The following STARD9 variants were observed in gnomAD, a reference collection of about 807,000 sequenced individuals.
STARD9 encodes the protein stAR-related lipid transfer protein 9.
STARD9 carries 346 observed loss-of-function variants against 399.8 expected under a neutral mutation model. The ratio of observed to expected loss-of-function variants is 0.87; its 90% confidence interval spans 0.79 to 0.95. The LOEUF is 0.95. Ranked by LOEUF, STARD9 falls within the 40% of genes least tolerant of loss-of-function variation. The pLI is 0.00. For missense variants in STARD9, 5,832 were observed against 5,667.5 expected (o/e 1.03, Z -0.93); for synonymous variants, 2,203 against 2,143.5 (o/e 1.03, Z -0.77).
chr15:42,654,798 CAT>C (rs775029858), intron 9 of STARD9, among the ~76,000 whole-genome samples: 9 of 152,036 alleles, frequency 5.9e-5, no homozygotes, highest in Admixed American at 6.5e-5. Flanking sequence ...CAAATGGAAA[CAT>C]ATCTCATGCT....
At chr15:42,584,579 G>A (rs1353562795) in intron 2 of STARD9, among the ~76,000 whole-genome samples, 1 of 152,142 alleles carries the variant, frequency 6.6e-6, no homozygotes, top group African/African-American at 2.4e-5. Context: ...GCTAGTGGCA[G>A]GGTTGTCTTT....
intron 3 of STARD9, among the ~76,000 whole-genome samples, chr15:42,597,470 C>T (rs984486940): frequency 3.3e-5 from 5 of 152,052 alleles, no homozygotes; most frequent in African/African-American, 9.7e-5. Flanking sequence ...TGTGTTCAAG[C>T]GATTCTCGTG....
intron 3 of STARD9, among the ~76,000 whole-genome samples, chr15:42,588,208 ATG>A (rs71947615): frequency 0.042 from 6,354 of 150,272 alleles, 381 homozygotes; most frequent in African/African-American, 0.13. Flanking sequence ...TTAAAATTTT[ATG>A]TGTGTGTGTG....
intron 9 of STARD9, among the ~76,000 whole-genome samples, chr15:42,653,636 C>T (rs2059807902): frequency 6.6e-6 from 1 of 152,070 alleles, no homozygotes; most frequent in African/African-American, 2.4e-5. Context: ...AAAAAACTGG[C>T]AATAAGAACA....
At chr15:42,664,011 C>T (rs2060041130) in intron 13 of STARD9, 94 bp downstream of exon 13, 4 of 816,362 alleles carry the variant, frequency 4.9e-6, no homozygotes, top group Admixed American at 4.3e-5. Context: ...TTGTACTCAC[C>T]TCAACTTTCC....
At chr15:42,627,598 C>T (rs930254627) in intron 3 of STARD9, among the ~76,000 whole-genome samples, 1 of 152,206 alleles carries the variant, frequency 6.6e-6, no homozygotes, top group African/African-American at 2.4e-5. Flanking sequence ...CCTCTACCGC[C>T]ACTGCCCTTC....
At position 42,686,254 on chromosome 15, in the gene STARD9, C is replaced by T; in HGVS notation, c.4676C>T (p.Ala1559Val). The T allele has an allele frequency of 6.5e-7, 1 of 1,537,696 alleles. No individual in the cohort carries two copies. The highest frequency in any genetic ancestry group is 1.2e-5 in the South Asian group (1 of 84,066). ...VHLSRIRRLR[A>V]EKEQDSLNAK... ...CTGTCCAGAATCAGGCGTTTGAGGG[C>T]AGAGAAAGAACAGGACAGTTTAAAT... The change falls in exon 23 of 33, where the codon GCA (alanine) becomes GTA (valine). Residue 1559 changes from alanine (A) to valine (V), a missense_variant. This residue lies in a region of STARD9 where 5,828 missense variants were observed against 5,651.1 expected (regional missense o/e 1.03). Transcript: ENST00000290607.
chr15:42,580,815 TA>T (rs911063186), intron 1 of STARD9, among the ~76,000 whole-genome samples: 4 of 148,480 alleles, frequency 2.7e-5, no homozygotes, highest in Non-Finnish European at 4.5e-5. Context: ...AGACTTTGTC[TA>T]AAAAAAAAAC....
At chr15:42,654,557 G>A (rs181975964) in intron 9 of STARD9, among the ~76,000 whole-genome samples, 201 of 152,220 alleles carry the variant, frequency 1.3e-3, no homozygotes, top group African/African-American at 4.7e-3. Context: ...AAGAGCTCCT[G>A]GAACTGGTAA....
chr15:42,684,901 C>T lies in STARD9; in HGVS notation c.3323C>T (p.Ser1108Leu). Residue 1108 changes from serine to leucine, a missense_variant, in exon 23 of 33, where the codon TCA becomes TTA. This residue lies in a region of STARD9 where 5,828 missense variants were observed against 5,651.1 expected (regional missense o/e 1.03). Coordinates refer to ENST00000290607, the MANE Select transcript of STARD9 (RefSeq NM_020759.3). ...TTATCTGACACAGATAGCAACTACTCATTGGATTCTCTCTCATGTGTCTAT... is the reference window on the plus strand; with the variant it reads ...TTATCTGACACAGATAGCAACTACTTATTGGATTCTCTCTCATGTGTCTAT... ...NDLSDTDSNY[S>L]LDSLSCVYAK... 2.0e-6 allele frequency: 3 copies of T among 1,537,074 alleles called. No homozygotes were observed. Among genetic ancestry groups the T allele is most frequent in the Admixed American group, 3.9e-5 (2 of 51,008 alleles).
intron 25 of STARD9, 66 bp downstream of exon 25, chr15:42,695,389 G>T: frequency 2.1e-6 from 3 of 1,396,396 alleles, no homozygotes; most frequent in Non-Finnish European, 2.9e-6. Flanking sequence ...CACCTTCACC[G>T]TGGCCGCCTC....
chr15:42,617,329 A>G (rs1180938897), intron 3 of STARD9, among the ~76,000 whole-genome samples: 1 of 152,200 alleles, frequency 6.6e-6, no homozygotes, highest in Non-Finnish European at 1.5e-5. Flanking sequence ...TAGGAGGAAA[A>G]GAACATTTAT....
rs369242363 is a variant in STARD9, at chr15:42,685,988, C to T, written c.4410C>T (p.Ala1470=). The change falls in exon 23 of 33, where the codon GCC becomes GCT. Residue 1470 remains alanine, a synonymous_variant. Coordinates refer to ENST00000290607, the MANE Select transcript of STARD9 (RefSeq NM_020759.3). ...SSVSNVLAAS[A]TTLTHVGSTH... ...TATCAAACGTGCTGGCTGCCTCTGC[C>T]ACCACCTTGACTCATGTAGGCAGCA... The T allele has an allele frequency of 2.5e-4, 382 of 1,537,178 alleles. No individual in the cohort carries two copies. The highest frequency in any genetic ancestry group is 2.9e-4 in the Non-Finnish European group (327 of 1,146,940).
At position 42,669,181 on chromosome 15, in the gene STARD9, G is replaced by A. The variant is rs1320231619; in HGVS notation, c.1341G>A (p.Trp447Ter). The change falls in exon 16 of 33, where the codon TGG becomes TGA. Residue 447 changes from tryptophan (W) to a stop codon, truncating the protein, a stop_gained. Transcript: ENST00000290607. LOFTEE classifies it high-confidence loss of function. ...ELKIDQLTKD[W>*]TQKWNDWQAL... ...AGATAGACCAGCTGACTAAAGACTG[G>A]ACCCAGAAGTGGAATGATTGGCAGG... 18 of 1,535,322 alleles carry A rather than the reference G, an allele frequency of 1.2e-5. No homozygotes were observed. The highest frequency in any genetic ancestry group is 1.6e-5 in the Non-Finnish European group (18 of 1,145,354).
rs932871702 is a variant in STARD9 at position 42,685,522 on chromosome 15, C to T, written c.3944C>T (p.Ser1315Phe). Residue 1315 changes from serine to phenylalanine, a missense_variant, in exon 23 of 33, where the codon TCT becomes TTT. Transcript: ENST00000290607. ...GAATCACAGGTAGAGCCAAGCTACT[C>T]TGAACAAGCCGACTCTCTCCAAGGC... is the stretch of plus-strand genomic sequence containing the variant. ...QAESQVEPSY[S>F]EQADSLQGMQ... is the part of the protein sequence containing the mutation. 10 of 1,537,296 alleles carry T rather than the reference C, an allele frequency of 6.5e-6. No individual in the cohort carries two copies. The highest frequency in any genetic ancestry group is 8.7e-6 in the Non-Finnish European group (10 of 1,146,984).
At chr15:42,650,471 C>T (rs2059738162) in intron 7 of STARD9, among the ~76,000 whole-genome samples, 1 of 152,188 alleles carries the variant, frequency 6.6e-6, no homozygotes, top group Non-Finnish European at 1.5e-5. Flanking sequence ...TTAAGTCTCA[C>T]TTCTTCTGTG....
At position 42,665,814 on chromosome 15, in the gene STARD9, AC is replaced by A; in HGVS notation, c.1285del (p.Leu429Ter). ...AACTTCAGTTCATTGAGTGATGAAA[AC>A]CTGAAGGAGCTGGTTCTCCAAAATG... is the stretch of plus-strand genomic sequence containing the variant. ...LRNFSSLSDE[N>X]LKELVLQNEL... On this transcript the variant is annotated frameshift_variant, in exon 15 of 33. Transcript: ENST00000290607. LOFTEE classifies it high-confidence loss of function. 4 of 1,537,130 alleles carry A rather than the reference AC, an allele frequency of 2.6e-6. No individual in the cohort carries two copies. The highest frequency in any genetic ancestry group is 3.5e-6 in the Non-Finnish European group (4 of 1,146,842).
At chr15:42,700,610 A>C (rs2060945568) in intron 26 of STARD9, among the ~76,000 whole-genome samples, 1 of 152,068 alleles carries the variant, frequency 6.6e-6, no homozygotes, top group Non-Finnish European at 1.5e-5. Flanking sequence ...GTTTTTGCCC[A>C]TTTTAAAGTT....
chr15:42,633,296 A>C (rs1480735350), intron 3 of STARD9, among the ~76,000 whole-genome samples: 1 of 152,262 alleles, frequency 6.6e-6, no homozygotes, highest in Non-Finnish European at 1.5e-5. Context: ...AAGTTTACAA[A>C]GTTTAAGTAA....
Sources: gnomAD v4.1 joint callset for allele counts (sites outside exome capture counted in the v4.1 genomes callset) on GRCh38, gnomAD v4.1.1 for gene constraint, gnomAD v4.1.1 regional missense constraint, MANE v1.5 for transcripts, NCBI Gene and HGNC (gene_info 2026-07-23, HGNC 2026-07-21) for gene names.